Variants in IQSEC1 observed in about 807,000 individuals in gnomAD.
IQSEC1 encodes the protein IQ motif and Sec7 domain ArfGEF 1, also known as IQ motif and SEC7 domain-containing protein 1.
In IQSEC1, 31 loss-of-function variants were observed where a neutral mutation model predicts 91.0. That is an observed-to-expected ratio of 0.34 (90% confidence interval 0.26 to 0.46). The LOEUF is 0.46. Ranked by LOEUF, IQSEC1 falls within the 20% of genes least tolerant of loss-of-function variation. IQSEC1 has a pLI of 1.00. For synonymous variants in IQSEC1, 699 were observed against 662.6 expected (o/e 1.05, Z -0.84); for missense variants, 1,388 against 1,575.6 (o/e 0.88, Z 2.02).
At chr3:13,271,756 T>C (rs1420508549) in intron 1 of IQSEC1, among the ~76,000 whole-genome samples, 2 of 152,096 alleles carry the variant, frequency 1.3e-5, no homozygotes, top group Non-Finnish European at 2.9e-5. Context: ...GATTGCACCA[T>C]TGCACTCCAA....
intron 9 of IQSEC1, 113 bp from the exon 10 acceptor site, chr3:12,911,841 GC>G: frequency 1.3e-6 from 1 of 741,806 alleles, no homozygotes; most frequent in Non-Finnish European, 2.4e-6. Context: ...ACAGGGACAA[GC>G]CCACGTGAGT....
chr3:13,260,228 A>G (rs1695358531), intron 1 of IQSEC1, among the ~76,000 whole-genome samples: 1 of 152,202 alleles, frequency 6.6e-6, no homozygotes, highest in Non-Finnish European at 1.5e-5. Flanking sequence ...CAGAGGCTTA[A>G]TTTGTATGAT....
At chr3:12,945,447 C>A (rs757760904) in intron 1 of IQSEC1, among the ~76,000 whole-genome samples, 41 of 151,708 alleles carry the variant, frequency 2.7e-4, no homozygotes, top group Non-Finnish European at 5.0e-4. Context: ...CCGACTCAAA[C>A]GCCCCCATTC....
chr3:13,198,608 G>A (rs1336181602), intron 1 of IQSEC1, among the ~76,000 whole-genome samples: 1 of 152,170 alleles, frequency 6.6e-6, no homozygotes, highest in African/African-American at 2.4e-5. Context: ...GCTTGGTGGT[G>A]ACCTACAGCC....
chr3:13,119,041 C>T (rs1228758442), intron 2 of IQSEC1, among the ~76,000 whole-genome samples: 1 of 151,746 alleles, frequency 6.6e-6, no homozygotes, highest in Admixed American at 6.6e-5. Flanking sequence ...TGCCACTGCA[C>T]TCCAGCCTGG....
intron 1 of IQSEC1, among the ~76,000 whole-genome samples, chr3:13,010,261 G>C (rs988109295): frequency 1.3e-5 from 2 of 152,088 alleles, no homozygotes; most frequent in Non-Finnish European, 2.9e-5. Context: ...TCTCACTTCC[G>C]GTAAGACACC....
rs1694058036 is a variant in IQSEC1 at position 12,899,919 on chromosome 3, T to C, written c.*1064A>G. 3.0e-6 allele frequency: 3 copies of C among 984,956 alleles called. No homozygotes were observed. Among genetic ancestry groups the C allele is most frequent in the Non-Finnish European group, 3.6e-6 (3 of 829,808 alleles). The allele number at this position is 984,956 out of a possible 1,614,324, so 61.0% of individuals were successfully genotyped here. On this transcript the variant is annotated 3_prime_UTR_variant, in exon 14 of 14. Transcript: ENST00000613206. ...CACTTCTGCCGTGTATGGGTGCCCC[T>C]CTCGGAGGACTCTGAATGAGTGTGC... is the stretch of plus-strand genomic sequence containing the variant.
chr3:13,254,993 C>T (rs574615845), intron 1 of IQSEC1, among the ~76,000 whole-genome samples: 1 of 152,368 alleles, frequency 6.6e-6, no homozygotes, highest in African/African-American at 2.4e-5. Flanking sequence ...AGCCCTCCCC[C>T]AACCTCCCTC....
intron 2 of IQSEC1, among the ~76,000 whole-genome samples, chr3:13,123,559 T>C (rs751671220): frequency 3.3e-5 from 5 of 152,212 alleles, no homozygotes; most frequent in Non-Finnish European, 5.9e-5. Context: ...TTGGCCAGCA[T>C]TGCCCCTGGA....
chr3:13,128,376 A>C (rs1221938396), intron 2 of IQSEC1, among the ~76,000 whole-genome samples: 2 of 152,136 alleles, frequency 1.3e-5, no homozygotes, highest in Admixed American at 1.3e-4. Context: ...AGTTTTCTTA[A>C]TCATGCATGG....
chr3:13,214,438 G>A lies in IQSEC1; in HGVS notation c.273-50305C>T, dbSNP rs1694504206. On this transcript the variant is annotated intron_variant, in intron 1 of 15. Transcript: ENST00000648114. The surrounding 1 kb of genome is among the most constrained non-coding windows in gnomAD (Gnocchi z 4.5). The stretch of plus-strand genomic sequence containing the variant: ...GCAAGCTCGAGCCAGAACTCTGGCC[G>A]TGGCCCCCTGCCTTGAATCTGGGAC... Among the ~76,000 whole-genome samples the A allele has an allele frequency of 1.3e-5, 2 of 152,380 alleles. No homozygotes were observed. The highest frequency in any genetic ancestry group is 4.1e-4 in the South Asian group (2 of 4,832).
intron 1 of IQSEC1, among the ~76,000 whole-genome samples, chr3:13,026,877 T>G (rs1576185458): frequency 2.1e-5 from 1 of 47,968 alleles, no homozygotes; most frequent in African/African-American, 4.7e-5. Context: ...TTTTTTTTTT[T>G]TGTTTGTTTT....
chr3:13,175,101 C>T (rs1046605547), intron 1 of IQSEC1, among the ~76,000 whole-genome samples: 5 of 152,164 alleles, frequency 3.3e-5, no homozygotes, highest in African/African-American at 1.2e-4. Flanking sequence ...CCCTCTCTCA[C>T]CAGATGGATC....
At chr3:13,082,856 T>G (rs190804348) in intron 2 of IQSEC1, among the ~76,000 whole-genome samples, 1 of 152,278 alleles carries the variant, frequency 6.6e-6, no homozygotes, top group Non-Finnish European at 1.5e-5. Flanking sequence ...AGGGGCCCAC[T>G]GTCAGCCCCC....
In IQSEC1 at chr3:12,935,993, C is replaced by A; in HGVS notation, c.1023G>T (p.Thr341=). 1 of 1,599,982 alleles carries A rather than the reference C, an allele frequency of 6.3e-7. No individual in the cohort carries two copies. The highest frequency in any genetic ancestry group is 8.5e-7 in the Non-Finnish European group (1 of 1,179,736). The part of the protein sequence containing the change: ...ALAHKEDKAD[T]DTSCRSTPSL... Reference sequence around the variant, plus strand: ...ACGGCGTGCTCCGGCAGCTCGTGTCCGTGTCAGCCTTGTCCTCTTTGTGGG... The same window carrying A: ...ACGGCGTGCTCCGGCAGCTCGTGTCAGTGTCAGCCTTGTCCTCTTTGTGGG... Residue 341 remains threonine, a synonymous_variant, in exon 3 of 14, where the codon ACG becomes ACT. Coordinates refer to ENST00000613206, the MANE Select transcript of IQSEC1 (RefSeq NM_001134382.3). The surrounding 1 kb of genome is among the most constrained non-coding windows in gnomAD (Gnocchi z 8.0).
chr3:13,087,800 G>T (rs1382028310), intron 2 of IQSEC1, among the ~76,000 whole-genome samples: 1 of 152,182 alleles, frequency 6.6e-6, no homozygotes, highest in Non-Finnish European at 1.5e-5. Flanking sequence ...ACCTGGCAAG[G>T]GCCACCCTGC....
intron 1 of IQSEC1, among the ~76,000 whole-genome samples, chr3:13,182,795 C>A (rs1693867185): frequency 6.6e-6 from 1 of 151,940 alleles, no homozygotes; most frequent in Non-Finnish European, 1.5e-5. Context: ...TAAAGCAGTA[C>A]CTGAAAGAAA....
chr3:13,109,102 G>T (rs567745688), intron 2 of IQSEC1, among the ~76,000 whole-genome samples: 1 of 152,184 alleles, frequency 6.6e-6, no homozygotes, highest in African/African-American at 2.4e-5. Context: ...CAGAGCGTGG[G>T]CAGAATGACT....
At chr3:13,151,411 G>A (rs868285569) in intron 2 of IQSEC1, among the ~76,000 whole-genome samples, 1 of 152,158 alleles carries the variant, frequency 6.6e-6, no homozygotes, top group African/African-American at 2.4e-5. Flanking sequence ...GGCCCAACAG[G>A]GGCTGTTTAT....
Sources: gnomAD v4.1 joint callset for allele counts (sites outside exome capture counted in the v4.1 genomes callset) on GRCh38, gnomAD v4.1.1 for gene constraint, Gnocchi (gnomAD v3.1) non-coding constraint, MANE v1.5 for transcripts, NCBI Gene and HGNC (gene_info 2026-07-23, HGNC 2026-07-21) for gene names.